Variants in LEMD3 observed in about 807,000 individuals in gnomAD.
The protein encoded by LEMD3 is LEM domain containing 3, also known as inner nuclear membrane protein Man1.
A neutral mutation model predicts 95.2 loss-of-function variants in LEMD3; 33 were observed. The observed-to-expected ratio is 0.35, with a 90% CI of 0.26 to 0.46. The LOEUF (loss-of-function observed/expected upper bound fraction) is 0.46. Among genes scored for constraint, LEMD3 ranks in the 20% least tolerant of loss-of-function variants. The pLI is 1.00. For missense variants in LEMD3, 1,210 were observed against 1,192.8 expected (o/e 1.01, Z -0.21); for synonymous variants, 525 against 474.6 (o/e 1.11, Z -1.38).
intron 1 of LEMD3, among the ~76,000 whole-genome samples, chr12:65,175,462 T>C (rs1447680992): frequency 5.3e-5 from 8 of 152,212 alleles, no homozygotes; most frequent in Non-Finnish European, 1.0e-4. Flanking sequence ...TAGCTTTCTT[T>C]ACCAGCCATT....
At chr12:65,181,859 G>A (rs542197869) in intron 1 of LEMD3, among the ~76,000 whole-genome samples, 2 of 151,330 alleles carry the variant, frequency 1.3e-5, no homozygotes, top group African/African-American at 2.4e-5. Flanking sequence ...GGTTCAAGAT[G>A]TTCTAGAAAT....
chr12:65,174,272 T>G (rs568868043), intron 1 of LEMD3, among the ~76,000 whole-genome samples: 1 of 152,270 alleles, frequency 6.6e-6, no homozygotes, highest in African/African-American at 2.4e-5. Context: ...GGGGGTTGGA[T>G]TAGATGATCC....
At chr12:65,210,430 CAA>C (rs1869901772) in intron 1 of LEMD3, among the ~76,000 whole-genome samples, 1 of 152,196 alleles carries the variant, frequency 6.6e-6, no homozygotes, top group East Asian at 1.9e-4. Context: ...AAGGTAGAAA[CAA>C]ATGATATAGT....
intron 1 of LEMD3, among the ~76,000 whole-genome samples, chr12:65,173,430 G>T (rs1868617282): frequency 6.6e-6 from 1 of 152,232 alleles, no homozygotes; most frequent in Non-Finnish European, 1.5e-5. Flanking sequence ...AATGGTAAAT[G>T]TGAAGTAATC....
At chr12:65,243,493 A>C in intron 10 of LEMD3, 24 bp downstream of exon 10, 1 of 1,276,710 alleles carries the variant, frequency 7.8e-7, no homozygotes, top group Admixed American at 1.7e-5. Context: ...TCAGGGGTAC[A>C]TGTAACTCTT....
At chr12:65,172,682 A>G (rs751697830) in intron 1 of LEMD3, among the ~76,000 whole-genome samples, 16 of 152,122 alleles carry the variant, frequency 1.1e-4, no homozygotes, top group Middle Eastern at 3.4e-3. Flanking sequence ...AGCAGTAGCT[A>G]TCTGCATCTG....
At chr12:65,182,029 T>C (rs1868921846) in intron 1 of LEMD3, among the ~76,000 whole-genome samples, 1 of 152,248 alleles carries the variant, frequency 6.6e-6, no homozygotes, top group African/African-American at 2.4e-5. Flanking sequence ...TGAGGGTAAC[T>C]ACTCATACTA....
intron 1 of LEMD3, among the ~76,000 whole-genome samples, chr12:65,181,788 G>A (rs1211724109): frequency 6.6e-6 from 1 of 151,998 alleles, no homozygotes; most frequent in Non-Finnish European, 1.5e-5. Context: ...AAAAGGAAGA[G>A]ACATGAAGAA....
chr12:65,200,708 A>T (rs949935459), intron 1 of LEMD3, among the ~76,000 whole-genome samples: 1 of 152,134 alleles, frequency 6.6e-6, no homozygotes, highest in African/African-American at 2.4e-5. Flanking sequence ...TATTTTGAAT[A>T]GCAGTACTTT....
intron 1 of LEMD3, among the ~76,000 whole-genome samples, chr12:65,192,103 C>CT (rs1465398634): frequency 1.4e-5 from 2 of 145,008 alleles, no homozygotes; most frequent in African/African-American, 5.2e-5. Flanking sequence ...TACACAGTTG[C>CT]TTAAAAAAAA....
intron 4 of LEMD3, among the ~76,000 whole-genome samples, chr12:65,222,966 G>A (rs1467575460): frequency 6.6e-6 from 1 of 151,848 alleles, no homozygotes; most frequent in African/African-American, 2.4e-5. Flanking sequence ...CTCTGCTTTT[G>A]ATTTTTAGTT....
chr12:65,239,755 T>A (rs1213088354), intron 6 of LEMD3, among the ~76,000 whole-genome samples, 174 bp from the exon 7 acceptor site: 1 of 152,168 alleles, frequency 6.6e-6, no homozygotes, highest in African/African-American at 2.4e-5. Flanking sequence ...TTCTAGAAAG[T>A]GAATCTTTGG....
chr12:65,238,532 A>G lies in LEMD3; in HGVS notation c.1726A>G (p.Asn576Asp). ...AGGTCCTGAATATGAAGGTATATTT[A>G]ACACTTCATTGCAGTGGATCTTAGA... ...DLGPEYEGIFNTSLQWILENG... is the reference protein window; with the variant it reads ...DLGPEYEGIFDTSLQWILENG... The change falls in exon 5 of 13, where the codon AAC becomes GAC. Residue 576 changes from asparagine to aspartate, a missense_variant. Asn to Asp is a conservative substitution (Grantham distance 23). This residue lies in a region of LEMD3 where 461 missense variants were observed against 569.8 expected (regional missense o/e 0.81). Coordinates refer to ENST00000308330, the MANE Select transcript of LEMD3 (RefSeq NM_014319.5). 2 of 1,609,992 alleles carry G rather than the reference A, an allele frequency of 1.2e-6. No individual in the cohort carries two copies. The highest frequency in any genetic ancestry group is 1.7e-6 in the Non-Finnish European group (2 of 1,176,310).
chr12:65,169,838 C>T lies in LEMD3; in HGVS notation c.242C>T (p.Pro81Leu), dbSNP rs745669202. ...GCCGCCACGGTCGCAGCCGCGGGAC[C>T]AGCGGCGGCGGCGGCCGCGGGGATG... ...TAAATVAAAG[P>L]AAAAAAGMGV... Residue 81 changes from proline (P) to leucine (L), a missense_variant, in exon 1 of 13, where the codon CCA becomes CTA. Physicochemically the swap from Pro to Leu is moderately conservative, Grantham distance 98. Coordinates refer to ENST00000308330, the MANE Select transcript of LEMD3 (RefSeq NM_014319.5). 4.8e-6 allele frequency: 7 copies of T among 1,464,904 alleles called. No homozygotes were observed. The highest frequency in any genetic ancestry group is 1.4e-5 in the South Asian group (1 of 72,232). The allele number at this position is 1,464,904 out of a possible 1,614,324, so 90.7% of individuals were successfully genotyped here.
chr12:65,169,900 C>G lies in LEMD3; in HGVS notation c.304C>G (p.Arg102Gly). 6.9e-7 allele frequency: 1 copy of G among 1,451,190 alleles called. No homozygotes were observed. The highest frequency in any genetic ancestry group is 9.1e-7 in the Non-Finnish European group (1 of 1,102,010). The allele number at this position is 1,451,190 out of a possible 1,614,324, so 89.9% of individuals were successfully genotyped here. ...RPVSGDLSYLRTPGGLCRISA... is the reference protein window; with the variant it reads ...RPVSGDLSYLGTPGGLCRISA... ...GGTCTCGGGCGACCTCTCCTACTTA[C>G]GGACTCCTGGGGGCCTGTGCCGAAT... is the stretch of plus-strand genomic sequence containing the variant. Residue 102 changes from arginine to glycine, a missense_variant, in exon 1 of 13, where the codon CGG (arginine) becomes GGG (glycine). By Grantham distance (125) the Arg-to-Gly change is moderately radical. Coordinates refer to ENST00000308330, the MANE Select transcript of LEMD3 (RefSeq NM_014319.5).
chr12:65,211,282 T>TA (rs1234588208), intron 2 of LEMD3, among the ~76,000 whole-genome samples: 3 of 152,192 alleles, frequency 2.0e-5, no homozygotes, highest in Non-Finnish European at 4.4e-5. Flanking sequence ...GATCTTGTCT[T>TA]ACACTTAGAA....
At chr12:65,243,362 T>C in intron 9 of LEMD3, 26 bp from the exon 10 acceptor site, 1 of 1,319,862 alleles carries the variant, frequency 7.6e-7, no homozygotes, top group Non-Finnish European at 1.1e-6. Flanking sequence ...CAATGTCAAA[T>C]AGTAAAACTA....
chr12:65,216,849 G>A (rs947951526), intron 3 of LEMD3, among the ~76,000 whole-genome samples: 21 of 152,072 alleles, frequency 1.4e-4, no homozygotes, highest in African/African-American at 4.8e-4. Flanking sequence ...TCTTTGTTTT[G>A]TACATTGGGT....
chr12:65,193,139 G>T (rs956981956), intron 1 of LEMD3, among the ~76,000 whole-genome samples: 9 of 152,154 alleles, frequency 5.9e-5, no homozygotes, highest in Non-Finnish European at 1.2e-4. Context: ...AGCAACCTCA[G>T]TTCTTGCCTT....
Sources: gnomAD v4.1 joint callset for allele counts (sites outside exome capture counted in the v4.1 genomes callset) on GRCh38, gnomAD v4.1.1 for gene constraint, gnomAD v4.1.1 regional missense constraint, MANE v1.5 for transcripts, NCBI Gene and HGNC (gene_info 2026-07-23, HGNC 2026-07-21) for gene names.